CACNA1A: variants seen among roughly 807,000 people sequenced by gnomAD.
CACNA1A encodes the protein voltage-dependent P/Q-type calcium channel subunit alpha-1A.
In CACNA1A, 57 loss-of-function variants were observed where a neutral mutation model predicts 262.4. The ratio of observed to expected loss-of-function variants is 0.22; its 90% confidence interval spans 0.18 to 0.27. CACNA1A has a LOEUF of 0.27. Among genes scored for constraint, CACNA1A ranks in the 10% least tolerant of loss-of-function variants. The pLI is 1.00. For synonymous variants in CACNA1A, 1,431 were observed against 1,419.3 expected, an observed-to-expected ratio of 1.01 and a Z score of -0.18; for missense variants, 2,526 against 3,562.8, an observed-to-expected ratio of 0.71 and a Z score of 7.41.
chr19:13,440,687 C>T (rs1041770580), intron 3 of CACNA1A, among the ~76,000 whole-genome samples: 1 of 152,198 alleles, frequency 6.6e-6, no homozygotes, highest in African/African-American at 2.4e-5. Flanking sequence ...GACTATATCA[C>T]TTTCTCTTTC....
chr19:13,344,884 A>T (rs953546959), intron 6 of CACNA1A, among the ~76,000 whole-genome samples: 3 of 151,934 alleles, frequency 2.0e-5, no homozygotes, highest in African/African-American at 7.3e-5. Flanking sequence ...CCTCCCAAGT[A>T]GCTGGGATTA....
chr19:13,351,657 G>A (rs8111026), intron 6 of CACNA1A, among the ~76,000 whole-genome samples: 13,996 of 152,192 alleles, frequency 0.092, 752 homozygotes, highest in Admixed American at 0.17. Context: ...CTACAGGCGT[G>A]TGCCACCACG....
chr19:13,229,851 TC>T, intron 36 of CACNA1A: 1 of 432,324 alleles, frequency 2.3e-6, no homozygotes, highest in Non-Finnish European at 4.1e-6. Flanking sequence ...GTTGACGCCC[TC>T]CCTCATTTCC....
At chr19:13,226,306 G>C (rs1380148987) in intron 37 of CACNA1A, 2 of 148,436 alleles carry the variant, frequency 1.3e-5, no homozygotes, top group African/African-American at 5.0e-5. Flanking sequence ...GGTGCCAGGA[G>C]AGGCTCATTG....
At position 13,359,755 on chromosome 19, in the gene CACNA1A, G is replaced by T; in HGVS notation, c.829C>A (p.Pro277Thr). The change falls in exon 6 of 47, where the codon CCC becomes ACC. Residue 277 changes from proline (P) to threonine (T), a missense_variant. By Grantham distance (38) the Pro-to-Thr change is conservative. Around this residue, in one of 17 missense-constraint regions of CACNA1A, gnomAD observed 52 missense variants for 124.0 expected, o/e 0.42. Transcript: ENST00000360228. ...GTCCCATTGGGGCAGGTGCGGGCGGGCTCTTCTGTCCCACATGGAGCCGGA... is the reference window on the plus strand; with the variant it reads ...GTCCCATTGGGGCAGGTGCGGGCGGTCTCTTCTGTCCCACATGGAGCCGGA... ...ESPAPCGTEE[P>T]ARTCPNGTKC... 6.4e-7 allele frequency: 1 copy of T among 1,557,474 alleles called. No individual in the cohort carries two copies. The highest frequency in any genetic ancestry group is 8.7e-7 in the Non-Finnish European group (1 of 1,150,208).
chr19:13,414,013 A>C (rs1202822076), intron 3 of CACNA1A, among the ~76,000 whole-genome samples: 2 of 152,058 alleles, frequency 1.3e-5, no homozygotes, highest in Non-Finnish European at 2.9e-5. Context: ...GGAAGGTGAG[A>C]TAAAAGCAGA....
At chr19:13,238,232 A>G (rs2055944902) in intron 31 of CACNA1A, among the ~76,000 whole-genome samples, 2 of 152,008 alleles carry the variant, frequency 1.3e-5, no homozygotes, top group African/African-American at 4.8e-5. Flanking sequence ...ATTTCAATCC[A>G]TGGCTTGGGA....
intron 19 of CACNA1A, among the ~76,000 whole-genome samples, chr19:13,292,669 C>G (rs1428306006): frequency 6.6e-6 from 1 of 151,938 alleles, no homozygotes; most frequent in African/African-American, 2.4e-5. Context: ...GGTACGTTTG[C>G]AAAAAGCCTC....
chr19:13,490,670 AAG>A (rs1161769253), intron 1 of CACNA1A, among the ~76,000 whole-genome samples: 2,452 of 143,716 alleles, frequency 0.017, 81 homozygotes, highest in African/African-American at 0.06. Flanking sequence ...GAAGGAAAGA[AAG>A]AGAGAGAGAG....
intron 3 of CACNA1A, among the ~76,000 whole-genome samples, chr19:13,383,103 G>A (rs1158111335): frequency 6.6e-6 from 1 of 152,172 alleles, no homozygotes; most frequent in Non-Finnish European, 1.5e-5. Flanking sequence ...ACGGAGTGAT[G>A]TTCATTCATT....
chr19:13,339,063 A>C (rs2058628892), intron 6 of CACNA1A, among the ~76,000 whole-genome samples: 1 of 151,876 alleles, frequency 6.6e-6, no homozygotes, highest in Admixed American at 6.6e-5. Flanking sequence ...ATGGGGTTTC[A>C]CCATGTTGGT....
chr19:13,356,578 C>A (rs2059010636), intron 6 of CACNA1A, among the ~76,000 whole-genome samples: 1 of 152,178 alleles, frequency 6.6e-6, no homozygotes, highest in South Asian at 2.1e-4. Flanking sequence ...CCTGTCCCAC[C>A]ACTGGGCACG....
intron 6 of CACNA1A, among the ~76,000 whole-genome samples, chr19:13,351,861 T>C (rs1600401103): frequency 6.6e-6 from 1 of 152,090 alleles, no homozygotes; most frequent in African/African-American, 2.4e-5. Flanking sequence ...CCCAGGCTGG[T>C]CTTGAACTCC....
chr19:13,471,936 A>C (rs1471340040), intron 1 of CACNA1A, among the ~76,000 whole-genome samples: 1 of 152,088 alleles, frequency 6.6e-6, no homozygotes, highest in African/African-American at 2.4e-5. Flanking sequence ...AAAATGGTTA[A>C]CTTATGTTGC....
intron 3 of CACNA1A, among the ~76,000 whole-genome samples, chr19:13,390,442 C>A (rs1471115716): frequency 2.0e-5 from 3 of 152,164 alleles, no homozygotes; most frequent in Non-Finnish European, 2.9e-5. Flanking sequence ...CACTGTCTGA[C>A]AGAACTTTCT....
rs2059070265 is a variant in CACNA1A at position 13,359,803 on chromosome 19, C to T, written c.785-4G>A. 7.3e-6 allele frequency: 11 copies of T among 1,501,014 alleles called. No homozygotes were observed. Among genetic ancestry groups the T allele is most frequent in the Non-Finnish European group, 9.8e-6 (11 of 1,117,656 alleles). 93.0% of individuals were successfully genotyped at this position (1,501,014 alleles called of 1,614,324 possible). ...GGAGACTCACCCTGAATGTCATCTA[C>T]AAAAGGGAAGGGGAGAAAAGTCAGG... On this transcript the variant is annotated splice_polypyrimidine_tract_variant and splice_region_variant and intron_variant, in intron 5 of 46. Coordinates refer to ENST00000360228, the MANE Select transcript of CACNA1A (RefSeq NM_001127222.2).
rs894779163 is a variant in CACNA1A at position 13,324,851 on chromosome 19, G to A, written c.1345+5393C>T. On this transcript the variant is annotated intron_variant, in intron 10 of 46. Coordinates refer to ENST00000360228, the MANE Select transcript of CACNA1A (RefSeq NM_001127222.2). ...ATCATATCACTGCACTCCAGCCTGAGTGACAGAGCAAGAACCTGCCTTTAA... is the reference window on the plus strand; with the variant it reads ...ATCATATCACTGCACTCCAGCCTGAATGACAGAGCAAGAACCTGCCTTTAA... Among the ~76,000 whole-genome samples the A allele has an allele frequency of 4.6e-5, 7 of 152,324 alleles. No homozygotes were observed. In the South Asian group the frequency reaches 1.0e-3, roughly 23 times the overall value.
chr19:13,438,328 T>C (rs1411972011), intron 3 of CACNA1A, among the ~76,000 whole-genome samples: 1 of 152,248 alleles, frequency 6.6e-6, no homozygotes, highest in East Asian at 1.9e-4. Flanking sequence ...ACCAGCTTCA[T>C]TGCTTGCTTT....
chr19:13,387,259 A>G (rs2059631458), intron 3 of CACNA1A, among the ~76,000 whole-genome samples: 1 of 152,104 alleles, frequency 6.6e-6, no homozygotes, highest in Admixed American at 6.6e-5. Context: ...CCCGGCCTCC[A>G]TTTTTATTTT....
Sources: gnomAD v4.1 joint callset for allele counts (sites outside exome capture counted in the v4.1 genomes callset) on GRCh38, gnomAD v4.1.1 for gene constraint, gnomAD v4.1.1 regional missense constraint, MANE v1.5 for transcripts, NCBI Gene and HGNC (gene_info 2026-07-23, HGNC 2026-07-21) for gene names.